GLI2: variants seen among roughly 807,000 people sequenced by gnomAD.
GLI2 encodes the protein transcription activator GLI2.
Under a neutral mutation model 78.9 loss-of-function variants are expected in GLI2, and 22 were observed. That is an observed-to-expected ratio of 0.28 (90% confidence interval 0.20 to 0.40). The LOEUF (loss-of-function observed/expected upper bound fraction) is 0.40, where lower values mean the gene tolerates loss of function less well. Ranked by LOEUF, GLI2 falls within the 10% of genes least tolerant of loss-of-function variation. The pLI, the probability that GLI2 is intolerant of heterozygous loss-of-function variation, is 1.00. For missense variants in GLI2, 2,097 were observed against 2,213.2 expected, an observed-to-expected ratio of 0.95 and a Z score of 1.05; for synonymous variants, 974 against 963.7, an observed-to-expected ratio of 1.01 and a Z score of -0.20.
At chr2:120,848,536 G>A (rs1220492003) in intron 2 of GLI2, among the ~76,000 whole-genome samples, 1 of 152,184 alleles carries the variant, frequency 6.6e-6, no homozygotes, top group Admixed American at 6.5e-5. Flanking sequence ...GTTTTTCATT[G>A]TTCATCCTAT....
chr2:120,893,754 G>A (rs1677798125), intron 2 of GLI2, among the ~76,000 whole-genome samples: 1 of 152,186 alleles, frequency 6.6e-6, no homozygotes, highest in African/African-American at 2.4e-5. Flanking sequence ...AATGTGGACA[G>A]GGGGCCTCTG....
At chr2:120,909,214 G>A (rs1420657220) in intron 2 of GLI2, among the ~76,000 whole-genome samples, 1 of 152,078 alleles carries the variant, frequency 6.6e-6, no homozygotes, top group Admixed American at 6.5e-5. Context: ...TCCTGGTTGG[G>A]TCCCACAGAG....
intron 2 of GLI2, among the ~76,000 whole-genome samples, chr2:120,830,868 C>T (rs1041566149): frequency 3.3e-5 from 5 of 152,046 alleles, no homozygotes; most frequent in Non-Finnish European, 5.9e-5. Flanking sequence ...GTCTGTCCCT[C>T]TCTTCTCTGT....
At chr2:120,798,425 C>T (rs957570070) in intron 2 of GLI2, among the ~76,000 whole-genome samples, 2 of 152,176 alleles carry the variant, frequency 1.3e-5, no homozygotes, top group African/African-American at 4.8e-5. Context: ...ACGCTGGGGC[C>T]GGAGCCCAGG....
intron 2 of GLI2, among the ~76,000 whole-genome samples, chr2:120,829,840 A>G (rs1200957369): frequency 6.6e-6 from 1 of 152,172 alleles, no homozygotes; most frequent in South Asian, 2.1e-4. Context: ...GGGGGCACTC[A>G]GAGGGAAGTG....
intron 2 of GLI2, among the ~76,000 whole-genome samples, chr2:120,901,366 A>T (rs1000790216): frequency 3.9e-5 from 6 of 152,234 alleles, no homozygotes; most frequent in African/African-American, 9.6e-5. Context: ...TCACATGAAA[A>T]TTGAGTGGAG....
chr2:120,990,140 G>T lies in GLI2; in HGVS notation c.4175G>T (p.Ser1392Ile), dbSNP rs1222396896. ...TGHAMAAMPS[S>I]QETAEAVPKG... ...CATGCCATGGCTGCCATGCCGTCCA[G>T]TCAGGAAACAGCAGAGGCTGTGCCC... Residue 1392 changes from serine to isoleucine, a missense_variant, in exon 14 of 14, where the codon AGT (serine) becomes ATT (isoleucine). Around this residue, in one of 5 missense-constraint regions of GLI2, gnomAD observed 1,290 missense variants for 1,261.7 expected, o/e 1.02. Coordinates refer to ENST00000361492, the MANE Select transcript of GLI2 (RefSeq NM_001374353.1). The T allele has an allele frequency of 1.2e-6, 2 of 1,609,232 alleles. No homozygotes were observed. The highest frequency in any genetic ancestry group is 1.7e-6 in the Non-Finnish European group (2 of 1,177,010).
intron 1 of GLI2, among the ~76,000 whole-genome samples, chr2:120,753,287 GGTTTCGCCAT>G (rs1682934215): frequency 6.6e-6 from 1 of 151,976 alleles, no homozygotes; most frequent in Non-Finnish European, 1.5e-5. Context: ...GTAGAGACAG[GGTTTCGCCAT>G]GTTGGCCAGG....
At chr2:120,770,149 C>A (rs577746175) in intron 1 of GLI2, among the ~76,000 whole-genome samples, 80 of 152,294 alleles carry the variant, frequency 5.3e-4, no homozygotes, top group African/African-American at 1.8e-3. Flanking sequence ...GAATTGAACA[C>A]CTCGGTGGCC....
At chr2:120,897,140 G>A (rs972114456) in intron 2 of GLI2, among the ~76,000 whole-genome samples, 6 of 152,188 alleles carry the variant, frequency 3.9e-5, no homozygotes, top group South Asian at 2.1e-4. Flanking sequence ...CGCTCCAGCC[G>A]CCACGCCCTC....
At chr2:120,855,693 G>A (rs867880101) in intron 2 of GLI2, among the ~76,000 whole-genome samples, 10 of 152,198 alleles carry the variant, frequency 6.6e-5, no homozygotes, top group Non-Finnish European at 1.3e-4. Flanking sequence ...TCCATGCACT[G>A]GATTATTTAA....
intron 1 of GLI2, among the ~76,000 whole-genome samples, chr2:120,763,367 A>T (rs919464598): frequency 4.6e-5 from 7 of 152,238 alleles, no homozygotes; most frequent in African/African-American, 1.7e-4. Flanking sequence ...GGATGGACAC[A>T]TTTGTTGGAT....
intron 1 of GLI2, among the ~76,000 whole-genome samples, chr2:120,745,363 G>C (rs539298286): frequency 6.6e-6 from 1 of 152,174 alleles, no homozygotes; most frequent in Admixed American, 6.5e-5. Context: ...CCCACACTTA[G>C]GTTTGGTTGA....
intron 2 of GLI2, among the ~76,000 whole-genome samples, chr2:120,831,286 C>T (rs914464721): frequency 1.3e-5 from 2 of 152,328 alleles, no homozygotes; most frequent in East Asian, 3.9e-4. Flanking sequence ...TTCAGTCCAG[C>T]GCTTGATAAT....
intron 1 of GLI2, among the ~76,000 whole-genome samples, chr2:120,770,217 T>C (rs1164163613): frequency 6.6e-6 from 1 of 152,134 alleles, no homozygotes; most frequent in African/African-American, 2.4e-5. Flanking sequence ...CATCCACTGT[T>C]CTCCCTGATG....
chr2:120,973,634 A>G (rs1183829529), intron 8 of GLI2, among the ~76,000 whole-genome samples: 2 of 152,220 alleles, frequency 1.3e-5, no homozygotes, highest in African/African-American at 4.8e-5. Context: ...TCTCACCCCA[A>G]CAGCCCCCAG....
At chr2:120,832,212 C>T (rs1230177915) in intron 2 of GLI2, among the ~76,000 whole-genome samples, 1 of 152,214 alleles carries the variant, frequency 6.6e-6, no homozygotes, top group South Asian at 2.1e-4. Context: ...TTGAATTTGC[C>T]CCCTGGCTGC....
intron 2 of GLI2, among the ~76,000 whole-genome samples, chr2:120,914,864 G>A (rs1406717309): frequency 3.3e-5 from 5 of 152,244 alleles, no homozygotes; most frequent in Non-Finnish European, 7.3e-5. Context: ...CAGCAATCAA[G>A]CCAGACTTGG....
At chr2:120,765,908 A>G (rs1046813895) in intron 1 of GLI2, among the ~76,000 whole-genome samples, 2 of 152,226 alleles carry the variant, frequency 1.3e-5, no homozygotes, top group African/African-American at 4.8e-5. Flanking sequence ...TGTTGATGTG[A>G]AGAGAGAATG....
Sources: allele counts gnomAD v4.1 joint callset (sites outside exome capture counted in the v4.1 genomes callset), GRCh38; gene constraint gnomAD v4.1.1; regional missense constraint gnomAD v4.1.1; transcripts MANE v1.5; gene names NCBI Gene and HGNC (gene_info 2026-07-23, HGNC 2026-07-21).